AFDN: variants seen among roughly 807,000 people sequenced by gnomAD.
AFDN encodes afadin.
In AFDN, 68 loss-of-function variants were observed where a neutral mutation model predicts 216.6. The observed-to-expected ratio is 0.31, with a 90% confidence interval of 0.26 to 0.38. AFDN has a LOEUF of 0.38. Among genes scored for constraint, AFDN ranks in the 10% least tolerant of loss-of-function variants. The pLI is 1.00. For synonymous variants in AFDN, 868 were observed against 853.7 expected, an observed-to-expected ratio of 1.02 and a Z score of -0.29; for missense variants, 2,136 against 2,342.0, an observed-to-expected ratio of 0.91 and a Z score of 1.82.
intron 31 of AFDN, chr6:167,965,037 G>A (rs1797397730): frequency 1.9e-6 from 2 of 1,043,200 alleles, no homozygotes; most frequent in Non-Finnish European, 2.3e-6. Context: ...GTTGCTGTTA[G>A]TTCCTGGCTC....
At chr6:167,946,285 C>T (rs1193894364) in intron 26 of AFDN, among the ~76,000 whole-genome samples, 2 of 152,232 alleles carry the variant, frequency 1.3e-5, no homozygotes, top group African/African-American at 4.8e-5. Flanking sequence ...AGGAGGAGAA[C>T]TGACAGAAGC....
rs758462301 is a variant in AFDN, at chr6:167,875,315, G to T, written c.579-20G>T. Reference sequence around the variant, plus strand: ...AGAAAACAGTGTTTAAAATATTTTTGGTATTTTTTTTTCTTACAGTGAAAA... The same window carrying T: ...AGAAAACAGTGTTTAAAATATTTTTTGTATTTTTTTTTCTTACAGTGAAAA... On this transcript the variant is annotated intron_variant, in intron 4 of 33. Coordinates refer to ENST00000683244, the MANE Select transcript of AFDN (RefSeq NM_001386888.1). 5 of 1,592,640 alleles carry T rather than the reference G, an allele frequency of 3.1e-6. No homozygotes were observed. The highest frequency in any genetic ancestry group is 1.2e-5 in the South Asian group (1 of 86,940).
intron 11 of AFDN, among the ~76,000 whole-genome samples, chr6:167,901,928 A>G (rs1038958044): frequency 6.6e-6 from 1 of 151,990 alleles, no homozygotes; most frequent in Non-Finnish European, 1.5e-5. Context: ...CCCCATCTCT[A>G]CAAAAAATAC....
chr6:167,880,251 A>G (rs1021248362), intron 5 of AFDN, 109 bp from the exon 6 acceptor site: 12 of 998,418 alleles, frequency 1.2e-5, no homozygotes, highest in Admixed American at 2.2e-5. Flanking sequence ...CTTTACACTC[A>G]TTTTAGCTAG....
At chr6:167,922,304 T>C (rs1038261559) in intron 21 of AFDN, among the ~76,000 whole-genome samples, 16 of 152,242 alleles carry the variant, frequency 1.1e-4, no homozygotes, top group African/African-American at 3.6e-4. Flanking sequence ...TTCTGAACTT[T>C]ATTTGTAAGA....
chr6:167,961,977 C>T (rs1316687079), intron 30 of AFDN, among the ~76,000 whole-genome samples: 3 of 152,088 alleles, frequency 2.0e-5, no homozygotes, highest in Non-Finnish European at 4.4e-5. Flanking sequence ...TATGCAGAGG[C>T]GAGTGGGGGC....
chr6:167,964,046 CAG>C (rs1797292867), intron 31 of AFDN: 10 of 1,064,342 alleles, frequency 9.4e-6, no homozygotes, highest in Non-Finnish European at 1.0e-5. Context: ...AGTGCACATG[CAG>C]AGAGGACCAG....
chr6:167,836,902 A>G (rs1260704149), intron 1 of AFDN, among the ~76,000 whole-genome samples: 1 of 152,160 alleles, frequency 6.6e-6, no homozygotes, highest in African/African-American at 2.4e-5. Context: ...TTGATTCAGA[A>G]CTCTGCCAGG....
chr6:167,854,326 G>A (rs148686518), intron 1 of AFDN, among the ~76,000 whole-genome samples: 5,209 of 151,930 alleles, frequency 0.034, 122 homozygotes, highest in African/African-American at 0.054. Flanking sequence ...CTCTTTATCT[G>A]TTAAAGAAAT....
chr6:167,879,030 C>A (rs1320813955), intron 5 of AFDN, among the ~76,000 whole-genome samples: 1 of 152,150 alleles, frequency 6.6e-6, no homozygotes, highest in African/African-American at 2.4e-5. Context: ...TATTTGTTTT[C>A]TTGTTAGTCT....
chr6:167,969,182 G>A lies in AFDN; in HGVS notation c.5326G>A (p.Glu1776Lys). Residue 1776 changes from glutamate to lysine, a missense_variant, in exon 33 of 34, where the codon GAG (glutamate) becomes AAG (lysine). By Grantham distance (56) the Glu-to-Lys change is moderately conservative. Around this residue, in one of 8 missense-constraint regions of AFDN, gnomAD observed 981 missense variants for 966.0 expected, o/e 1.02. Transcript: ENST00000683244. ...CCATGACGCCTGTCGGGATGCAAAA[G>A]AGAAGCGCTCTAAAAGGTATGGACG... ...GAHDACRDAK[E>K]KRSKSQDADS... 6.2e-7 allele frequency: 1 copy of A among 1,613,836 alleles called. No individual in the cohort carries two copies. Among genetic ancestry groups the A allele is most frequent in the Non-Finnish European group, 8.5e-7 (1 of 1,179,760 alleles).
At chr6:167,926,303 C>T (rs1312095366) in intron 23 of AFDN, among the ~76,000 whole-genome samples, 2 of 152,156 alleles carry the variant, frequency 1.3e-5, no homozygotes, top group Non-Finnish European at 2.9e-5. Flanking sequence ...CGAACAAGTG[C>T]AGAAGTATGA....
chr6:167,931,658 C>G (rs546234632), intron 23 of AFDN, among the ~76,000 whole-genome samples: 3 of 152,034 alleles, frequency 2.0e-5, no homozygotes, highest in African/African-American at 7.2e-5. Flanking sequence ...AATACATACA[C>G]ACTGCCGAGA....
intron 6 of AFDN, among the ~76,000 whole-genome samples, chr6:167,886,264 G>A (rs1397449531): frequency 6.6e-6 from 1 of 152,094 alleles, no homozygotes; most frequent in Non-Finnish European, 1.5e-5. Context: ...TTGGCCTTTA[G>A]TAGGAAGTAG....
rs181191024 is a variant in AFDN at position 167,909,296 on chromosome 6, G to A, written c.1770-1805G>A. 1.2e-3 allele frequency among the ~76,000 whole-genome samples: 185 copies of A among 151,654 alleles called. 1 individual carries two copies. The highest frequency in any genetic ancestry group is 0.01 in the Middle Eastern group (3 of 294). On this transcript the variant is annotated intron_variant, in intron 13 of 33. Transcript: ENST00000683244. ...AAGATTTGGGTTGTATTTATTATTA[G>A]TAAAATATTTGGTTATATTTTTATT...
chr6:167,850,888 T>C (rs1022205297), intron 1 of AFDN, among the ~76,000 whole-genome samples: 1 of 152,146 alleles, frequency 6.6e-6, no homozygotes, highest in Non-Finnish European at 1.5e-5. Flanking sequence ...TTATTGTGTG[T>C]GTGTGTGTGT....
At chr6:167,868,055 C>T (rs1038343687) in intron 2 of AFDN, among the ~76,000 whole-genome samples, 2 of 152,176 alleles carry the variant, frequency 1.3e-5, no homozygotes, top group Non-Finnish European at 2.9e-5. Flanking sequence ...TCTGGAACAA[C>T]CTGTGCTTAT....
chr6:167,864,391 A>G (rs1783935543), intron 1 of AFDN, 160 bp from the exon 2 acceptor site: 1 of 796,746 alleles, frequency 1.3e-6, no homozygotes, highest in Admixed American at 1.7e-5. Flanking sequence ...GTCAGAAATG[A>G]AACTTGAAGA....
rs1431468911 is a variant in AFDN, at chr6:167,966,041, A to G, written c.5253A>G (p.Leu1751=). 1 of 1,544,896 alleles carries G rather than the reference A, an allele frequency of 6.5e-7. No homozygotes were observed. The highest frequency in any genetic ancestry group is 1.4e-5 in the African/African-American group (1 of 73,050). The part of the protein sequence containing the change: ...NEEEEEEDCS[L]AGPNSYPGST... ...AGGAGGAGGAGGAGGACTGCAGCCT[A>G]GCAGGTCAGGATAAGTACTCCAGCA... The change falls in exon 32 of 34, where the codon CTA becomes CTG. Residue 1751 remains leucine (L), a synonymous_variant. Coordinates refer to ENST00000683244, the MANE Select transcript of AFDN (RefSeq NM_001386888.1).
Sources: allele counts gnomAD v4.1 joint callset (sites outside exome capture counted in the v4.1 genomes callset), GRCh38; gene constraint gnomAD v4.1.1; regional missense constraint gnomAD v4.1.1; transcripts MANE v1.5; gene names NCBI Gene and HGNC (gene_info 2026-07-23, HGNC 2026-07-21).